The following TRAPPC8 variants were observed in gnomAD, a reference collection of about 807,000 sequenced individuals.
TRAPPC8 encodes the protein trafficking protein particle complex subunit 8.
TRAPPC8 carries 54 observed loss-of-function variants against 174.3 expected under a neutral mutation model. The observed-to-expected ratio is 0.31, with a 90% CI of 0.25 to 0.39. The LOEUF (loss-of-function observed/expected upper bound fraction) is 0.39, where lower values mean the gene tolerates loss of function less well. Among genes scored for constraint, TRAPPC8 ranks in the 10% least tolerant of loss-of-function variants. TRAPPC8 has a pLI of 1.00. For missense variants in TRAPPC8, 1,531 were observed against 1,699.1 expected (o/e 0.90, Z 1.74); for synonymous variants, 630 against 579.9 (o/e 1.09, Z -1.24).
chr18:31,893,404 C>T (rs76819926), intron 11 of TRAPPC8, among the ~76,000 whole-genome samples: 9,979 of 117,198 alleles, frequency 0.085, 360 homozygotes, highest in African/African-American at 0.15. Context: ...TGTGTGTGTG[C>T]GCGCGCGCGT....
In TRAPPC8 at chr18:31,832,137, A is replaced by G; in HGVS notation, c.4020T>C (p.Asn1340=). 1 of 1,555,218 alleles carries G rather than the reference A, an allele frequency of 6.4e-7. No homozygotes were observed. The highest frequency in any genetic ancestry group is 8.6e-7 in the Non-Finnish European group (1 of 1,160,626). ...TGACATCTACATCAGCCTTAGAACA[A>G]TTGGAAAGTAAAAGAGTGACTGGTA... ...CLVPVTLLLS[N]CSKADVDVIV... is the part of the protein sequence containing the mutation. The change falls in exon 28 of 29, where the codon AAT becomes AAC. Residue 1340 remains asparagine (N), a synonymous_variant. Coordinates refer to ENST00000283351, the MANE Select transcript of TRAPPC8 (RefSeq NM_014939.5).
intron 26 of TRAPPC8, among the ~76,000 whole-genome samples, chr18:31,846,407 C>T (rs1054816934): frequency 6.6e-6 from 1 of 151,962 alleles, no homozygotes; most frequent in Non-Finnish European, 1.5e-5. Context: ...AACTCCATCT[C>T]TACAAAAAAA....
intron 2 of TRAPPC8, among the ~76,000 whole-genome samples, chr18:31,922,289 C>T (rs2037422671): frequency 6.6e-6 from 1 of 152,170 alleles, no homozygotes; most frequent in African/African-American, 2.4e-5. Flanking sequence ...TTTCTAAATA[C>T]TAGTAGTAAC....
At chr18:31,873,068 A>G (rs2034961909) in intron 14 of TRAPPC8, among the ~76,000 whole-genome samples, 1 of 115,580 alleles carries the variant, frequency 8.7e-6, no homozygotes, top group African/African-American at 3.4e-5. Context: ...CCCAGGCTGG[A>G]GTGCAGTGTC....
intron 1 of TRAPPC8, among the ~76,000 whole-genome samples, chr18:31,932,019 G>A (rs1192706675): frequency 6.6e-6 from 1 of 152,106 alleles, no homozygotes; most frequent in African/African-American, 2.4e-5. Flanking sequence ...ACCAGTGCAC[G>A]ATGCTGTGGT....
chr18:31,834,945 T>C (rs1022745111), intron 27 of TRAPPC8, among the ~76,000 whole-genome samples: 2 of 152,214 alleles, frequency 1.3e-5, no homozygotes, highest in African/African-American at 2.4e-5. Flanking sequence ...TATCTTTAAC[T>C]GTATTGTCCT....
intron 28 of TRAPPC8, among the ~76,000 whole-genome samples, chr18:31,831,568 A>T (rs1027806532): frequency 1.7e-4 from 26 of 152,162 alleles, no homozygotes; most frequent in Non-Finnish European, 5.9e-5. Context: ...CTAAACTTTT[A>T]ACTCCTTAGT....
chr18:31,908,320 T>C lies in TRAPPC8; in HGVS notation c.1221A>G (p.Lys407=). 6.2e-7 allele frequency: 1 copy of C among 1,600,914 alleles called. No homozygotes were observed. The highest frequency in any genetic ancestry group is 1.1e-5 in the South Asian group (1 of 88,420). The change falls in exon 8 of 29, where the codon AAA becomes AAG. Residue 407 remains lysine (K), a synonymous_variant. Transcript: ENST00000283351. ...TTACTCACAGCAAGCCAGATGTATTTTTCAGGTCATTAATGCTCTTTTCTG... is the reference window on the plus strand; with the variant it reads ...TTACTCACAGCAAGCCAGATGTATTCTTCAGGTCATTAATGCTCTTTTCTG... ...KVPEKSINDL[K]NTSGLLYPPE...
chr18:31,931,724 C>A (rs572794067), intron 1 of TRAPPC8, among the ~76,000 whole-genome samples: 90 of 152,134 alleles, frequency 5.9e-4, no homozygotes, highest in Non-Finnish European at 1.1e-3. Context: ...TTATTAACCA[C>A]AGGATTCCTT....
At chr18:31,909,475 TAAAAC>T (rs2036815818) in intron 6 of TRAPPC8, 187 bp downstream of exon 6, 1 of 857,906 alleles carries the variant, frequency 1.2e-6, no homozygotes, top group East Asian at 1.2e-4. Context: ...ACTACTCATA[TAAAAC>T]AAATTTTTAA....
intron 5 of TRAPPC8, among the ~76,000 whole-genome samples, chr18:31,911,916 ACT>A (rs923386228): frequency 1.3e-4 from 19 of 151,270 alleles, no homozygotes; most frequent in African/African-American, 4.6e-4. Flanking sequence ...AAAAACAGTG[ACT>A]CTCGATTATC....
Position 31,872,980 on chromosome 18 carries a change from AG to A in TRAPPC8, c.2062+449del, listed in dbSNP as rs1273618122. On this transcript the variant is annotated intron_variant, in intron 14 of 28. Transcript: ENST00000283351. The stretch of plus-strand genomic sequence containing the variant: ...AGTTATCTTCAGGTGACAGGACAAA[AG>A]AAGTAATAGAGAGCTATTCATTTTC... Among the ~76,000 whole-genome samples, 23 of 151,058 alleles carry A rather than the reference AG, an allele frequency of 1.5e-4. 1 individual carries two copies. The highest frequency in any genetic ancestry group is 3.2e-4 in the Non-Finnish European group (22 of 67,774).
At chr18:31,846,881 A>G in intron 25 of TRAPPC8, 64 bp from the exon 26 acceptor site, 1 of 1,146,054 alleles carries the variant, frequency 8.7e-7, no homozygotes, top group South Asian at 1.5e-5. Context: ...TAACCAACCC[A>G]ATACTTGATA....
chr18:31,857,836 A>G lies in TRAPPC8; in HGVS notation c.2892T>C (p.Thr964=), dbSNP rs375941936. 5 of 1,614,220 alleles carry G rather than the reference A, an allele frequency of 3.1e-6. No homozygotes were observed. Among genetic ancestry groups the G allele is most frequent in the Non-Finnish European group, 2.5e-6 (3 of 1,180,038 alleles). ...RPEFFTFGGN[T]AVLTPLSPSA... is the part of the protein sequence containing the mutation. ...AGGGACTTAGTGGTGTTAGAACAGC[A>G]GTATTACCACCGAAAGTAAAGAACT... The change falls in exon 20 of 29, where the codon ACT becomes ACC. Residue 964 remains threonine (T), a synonymous_variant. Transcript: ENST00000283351.
In TRAPPC8 at chr18:31,904,366, A is replaced by C. The variant is rs906347055; in HGVS notation, c.1389+3094T>G. Among the ~76,000 whole-genome samples the C allele has an allele frequency of 3.9e-5, 6 of 152,112 alleles. 1 individual carries two copies. The highest frequency in any genetic ancestry group is 8.8e-5 in the Non-Finnish European group (6 of 68,010). On this transcript the variant is annotated intron_variant, in intron 9 of 28. Transcript: ENST00000283351. ...GGAGTTCGAGACCAGCCTGACCAAC[A>C]TGGAGAAACCCTGTCTCTACTAAAA...
At chr18:31,883,468 G>A (rs911239800) in intron 12 of TRAPPC8, 2 of 152,150 alleles carry the variant, frequency 1.3e-5, no homozygotes, top group Admixed American at 1.3e-4. Flanking sequence ...ACAGCTAGAA[G>A]ACTTCCCACA....
chr18:31,892,708 C>A (rs1014612033), intron 11 of TRAPPC8, among the ~76,000 whole-genome samples: 9 of 152,038 alleles, frequency 5.9e-5, no homozygotes, highest in Admixed American at 5.9e-4. Flanking sequence ...TCTACTCAGC[C>A]AAAAATCTTT....
At chr18:31,833,336 A>T (rs1304901884) in intron 27 of TRAPPC8, 1 of 152,220 alleles carries the variant, frequency 6.6e-6, no homozygotes, top group Admixed American at 6.5e-5. Context: ...CCTGGTCCAA[A>T]GTGAAACTCA....
At chr18:31,922,332 C>A (rs1203926503) in intron 2 of TRAPPC8, among the ~76,000 whole-genome samples, 1 of 152,180 alleles carries the variant, frequency 6.6e-6, no homozygotes, top group African/African-American at 2.4e-5. Flanking sequence ...GTGGCTCATG[C>A]CTGTAATCCC....
Sources: gnomAD v4.1 joint callset for allele counts (sites outside exome capture counted in the v4.1 genomes callset) on GRCh38, gnomAD v4.1.1 for gene constraint, MANE v1.5 for transcripts, NCBI Gene and HGNC (gene_info 2026-07-23, HGNC 2026-07-21) for gene names.